The following LRWD1 variants were observed in gnomAD, a reference collection of about 807,000 sequenced individuals.
LRWD1 encodes the protein leucine rich repeats and WD repeat domain containing 1, also known as leucine-rich repeat and WD repeat-containing protein 1.
Under a neutral mutation model 75.6 loss-of-function variants are expected in LRWD1, and 76 were observed. The observed-to-expected ratio is 1.01, with a 90% CI of 0.84 to 1.22. LRWD1 has a LOEUF of 1.22. Ranked by LOEUF, LRWD1 falls within the 50% of genes most tolerant of loss-of-function variation. The probability of loss-of-function intolerance (pLI) is 0.00; values close to 1 mark genes in which losing one functional copy is unlikely to be tolerated. For missense variants in LRWD1, 917 were observed against 862.0 expected (o/e 1.06, Z -0.80); for synonymous variants, 487 against 377.0 (o/e 1.29, Z -3.38).
At chr7:102,465,392 C>G (rs1586735508) in intron 1 of LRWD1, 1 of 410,516 alleles carries the variant, frequency 2.4e-6, no homozygotes, top group Non-Finnish European at 4.3e-6. Context: ...CTGCCGCTAT[C>G]GTTAGAGGGC....
chr7:102,469,985 G>A (rs1385643804), intron 11 of LRWD1, 103 bp downstream of exon 11: 1 of 1,381,680 alleles, frequency 7.2e-7, no homozygotes, highest in African/African-American at 1.5e-5. Context: ...GTAACCATAA[G>A]GGTTGTTTTT....
rs762667067 is a variant in LRWD1 at position 102,468,252 on chromosome 7, TC to T, written c.805-5del. 1.8e-5 allele frequency: 29 copies of T among 1,602,748 alleles called. No homozygotes were observed. The highest frequency in any genetic ancestry group is 5.6e-5 in the South Asian group (5 of 89,158). ...GGGCTGGGCAGCTGTGACCCTTCTC[TC>T]CCCCCACAGCCTGCTGTGAAGCTGG... is the stretch of plus-strand genomic sequence containing the variant. On this transcript the variant is annotated splice_polypyrimidine_tract_variant and intron_variant, in intron 6 of 14. Transcript: ENST00000292616.
intron 12 of LRWD1, 70 bp from the exon 13 acceptor site, chr7:102,472,382 TTC>T (rs1313095566): frequency 1.3e-6 from 2 of 1,551,162 alleles, no homozygotes; most frequent in African/African-American, 1.4e-5. Flanking sequence ...TGGGCTAGGC[TTC>T]TGAGGATCTC....
intron 8 of LRWD1, 90 bp downstream of exon 8, chr7:102,468,744 C>G: frequency 6.6e-7 from 1 of 1,520,994 alleles, no homozygotes. Flanking sequence ...CGGCCCCCTG[C>G]CCCATGGCCT....
At chr7:102,467,306 G>A (rs766799859) in intron 3 of LRWD1, 33 bp from the exon 4 acceptor site, 32 of 1,567,574 alleles carry the variant, frequency 2.0e-5, no homozygotes, top group Non-Finnish European at 2.6e-5. Context: ...AGCTGGGGTG[G>A]GCCGGGCCTG....
At chr7:102,469,928 G>A (rs1798136553) in intron 11 of LRWD1, 46 bp downstream of exon 11, 1 of 1,457,456 alleles carries the variant, frequency 6.9e-7, no homozygotes, top group East Asian at 2.5e-5. Context: ...CTCTGCAGAG[G>A]GTGGCTGTTG....
At chr7:102,472,388 G>A in intron 12 of LRWD1, 66 bp from the exon 13 acceptor site, 1 of 1,550,792 alleles carries the variant, frequency 6.4e-7, no homozygotes, top group Non-Finnish European at 8.7e-7. Flanking sequence ...AGGCTTCTGA[G>A]GATCTCTAGT....
chr7:102,468,981 T>C lies in LRWD1; in HGVS notation c.1147T>C (p.Phe383Leu), dbSNP rs766409296. Residue 383 changes from phenylalanine (F) to leucine (L), a missense_variant, in exon 9 of 15, where the codon TTC becomes CTC. Transcript: ENST00000292616. Reference sequence around the variant, plus strand: ...CCGGCTGCTGCACGTGCGTGCCGGCTTCTGCTGCGGGGTCATCCGAGCCCA... The same window carrying C: ...CCGGCTGCTGCACGTGCGTGCCGGCCTCTGCTGCGGGGTCATCCGAGCCCA... ...LVRLLHVRAG[F>L]CCGVIRAHKK... 6.2e-7 allele frequency: 1 copy of C among 1,612,798 alleles called. No individual in the cohort carries two copies. The highest frequency in any genetic ancestry group is 8.5e-7 in the Non-Finnish European group (1 of 1,179,830).
In LRWD1 at chr7:102,468,570, C is replaced by G. The variant is rs755461976; in HGVS notation, c.936C>G (p.Thr312=). The G allele has an allele frequency of 6.4e-6, 10 of 1,573,860 alleles. No homozygotes were observed. The East Asian group carries it at 2.1e-4, about 33-fold the overall frequency. The change falls in exon 8 of 15, where the codon ACC becomes ACG. Residue 312 remains threonine, a synonymous_variant. Transcript: ENST00000292616. ...GGCACTCAGGGGCCACATCCCAGAC[C>G]GTGGCCACGTGCGGCGGGGAGGCTG... is the stretch of plus-strand genomic sequence containing the variant. The part of the protein sequence containing the change: ...PAWEEGATSQ[T]VATCGGEAVC...
chr7:102,468,518 C>T (rs1026941501), intron 7 of LRWD1, 36 bp from the exon 8 acceptor site: 1 of 1,552,658 alleles, frequency 6.4e-7, no homozygotes, highest in Non-Finnish European at 8.7e-7. Flanking sequence ...TGGGAAATGT[C>T]TCTGCTCATC....
At position 102,469,812 on chromosome 7, in the gene LRWD1, C is replaced by G; in HGVS notation, c.1372C>G (p.Arg458Gly). ...LCPVASCPDARLLAGCEGGCC... is the reference protein window; with the variant it reads ...LCPVASCPDAGLLAGCEGGCC... ...CCCTGTCGCCTCCTGCCCGGACGCC[C>G]GCCTGCTGGCCGGCTGCGAGGGCGG... The change falls in exon 11 of 15, where the codon CGC becomes GGC. Residue 458 changes from arginine to glycine, a missense_variant. Transcript: ENST00000292616. 1.2e-6 allele frequency: 2 copies of G among 1,607,448 alleles called. No homozygotes were observed. Among genetic ancestry groups the G allele is most frequent in the Non-Finnish European group, 1.7e-6 (2 of 1,177,138 alleles).
chr7:102,469,431 T>G, intron 9 of LRWD1, 143 bp from the exon 10 acceptor site: 1 of 874,342 alleles, frequency 1.1e-6, no homozygotes, highest in East Asian at 2.6e-5. Flanking sequence ...GGCCCAGGAG[T>G]GTTCCTGTCT....
Position 102,472,257 on chromosome 7 carries a change from G to A in LRWD1, c.1482G>A (p.Glu494=), listed in dbSNP as rs540345599. ...EVEFVFSEGS[E]ASGRRVDGLA... ...AATTCGTCTTCTCTGAGGGCTCCGAGGCATCTGGACGGAGAGTGGATGGGC... is the reference window on the plus strand; with the variant it reads ...AATTCGTCTTCTCTGAGGGCTCCGAAGCATCTGGACGGAGAGTGGATGGGC... Residue 494 remains glutamate (E), a synonymous_variant, in exon 12 of 15, where the codon GAG becomes GAA. Coordinates refer to ENST00000292616, the MANE Select transcript of LRWD1 (RefSeq NM_152892.3). 1.9e-6 allele frequency: 3 copies of A among 1,596,954 alleles called. No homozygotes were observed. Among genetic ancestry groups the A allele is most frequent in the Admixed American group, 3.5e-5 (2 of 57,946 alleles).
Position 102,467,439 on chromosome 7 carries a change from G to A in LRWD1, c.533G>A (p.Arg178His), listed in dbSNP as rs757260413. The change falls in exon 4 of 15, where the codon CGC (arginine) becomes CAC (histidine). Residue 178 changes from arginine to histidine, a missense_variant. By Grantham distance (29) the Arg-to-His change is conservative (BLOSUM62 0). Coordinates refer to ENST00000292616, the MANE Select transcript of LRWD1 (RefSeq NM_152892.3). ...GTGAAGTCGGCTGTCAGGGATGTCC[G>A]CTACGGGCCCGAGTCCCTCAGCGAG... The part of the protein sequence containing the change: ...DFVKSAVRDV[R>H]YGPESLSEFT... 1.5e-5 allele frequency: 24 copies of A among 1,613,660 alleles called. No individual in the cohort carries two copies. Among genetic ancestry groups the A allele is most frequent in the South Asian group, 5.5e-5 (5 of 91,078 alleles).
At chr7:102,465,573 G>C in intron 1 of LRWD1, 1 of 384,136 alleles carries the variant, frequency 2.6e-6, no homozygotes, top group South Asian at 3.0e-5. Flanking sequence ...TCTAGTCCCA[G>C]CTACTCGAGA....
At chr7:102,467,296 A>T in intron 3 of LRWD1, 43 bp from the exon 4 acceptor site, 2 of 1,553,884 alleles carry the variant, frequency 1.3e-6, no homozygotes, top group East Asian at 2.4e-5. Context: ...GGTCCGGAGG[A>T]GCTGGGGTGG....
chr7:102,469,986 G>A (rs1001262205), intron 11 of LRWD1, 104 bp downstream of exon 11: 76 of 1,379,998 alleles, frequency 5.5e-5, no homozygotes, highest in Non-Finnish European at 7.2e-5. Context: ...TAACCATAAG[G>A]GTTGTTTTTA....
chr7:102,465,161 G>T lies in LRWD1; in HGVS notation c.80+1G>T. ...GGCTGGGGAAGATCCGGAGTCTGGA[G>T]TAAGAGCCGGGCAGCGGGTGAGGCT... On this transcript the variant is annotated splice_donor_variant, in intron 1 of 14. Transcript: ENST00000292616. LOFTEE classifies it high-confidence loss of function. 6.7e-7 allele frequency: 1 copy of T among 1,503,092 alleles called. No individual in the cohort carries two copies. 93.1% of individuals were successfully genotyped at this position (1,503,092 alleles called of 1,614,324 possible).
Position 102,466,134 on chromosome 7 carries a change from C to G in LRWD1, c.316-20C>G. 1 of 1,613,360 alleles carries G rather than the reference C, an allele frequency of 6.2e-7. No homozygotes were observed. Among genetic ancestry groups the G allele is most frequent in the East Asian group, 2.2e-5 (1 of 44,880 alleles). On this transcript the variant is annotated intron_variant, in intron 2 of 14. Transcript: ENST00000292616. Reference sequence around the variant, plus strand: ...GCTCAGCATCTCCTGAGCCACTGCTCTTCACCCTCTCTTCCCCAGGTCAAT... The same window carrying G: ...GCTCAGCATCTCCTGAGCCACTGCTGTTCACCCTCTCTTCCCCAGGTCAAT...
Sources: allele counts gnomAD v4.1 joint callset, GRCh38; gene constraint gnomAD v4.1.1; transcripts MANE v1.5; gene names NCBI Gene and HGNC (gene_info 2026-07-23, HGNC 2026-07-21).